The following ZNF521 variants were observed in gnomAD, a reference collection of about 807,000 sequenced individuals.
The protein encoded by ZNF521 is zinc finger protein 521.
A neutral mutation model predicts 105.5 loss-of-function variants in ZNF521; 14 were observed. That is an observed-to-expected ratio of 0.13 (90% CI 0.09 to 0.21). The LOEUF (loss-of-function observed/expected upper bound fraction) is 0.21, where lower values mean the gene tolerates loss of function less well. Among genes scored for constraint, ZNF521 ranks in the 10% least tolerant of loss-of-function variants. The pLI is 1.00. For synonymous variants in ZNF521, 635 were observed against 606.0 expected, an observed-to-expected ratio of 1.05 and a Z score of -0.70; for missense variants, 1,233 against 1,629.7, an observed-to-expected ratio of 0.76 and a Z score of 4.19.
chr18:25,230,418 A>G (rs1018845108), intron 3 of ZNF521, among the ~76,000 whole-genome samples: 2 of 152,178 alleles, frequency 1.3e-5, no homozygotes, highest in Admixed American at 6.5e-5. Context: ...TTCAGGTATC[A>G]GACTCCTCCA....
chr18:25,152,164 C>T (rs940804694), intron 5 of ZNF521, among the ~76,000 whole-genome samples: 7 of 152,138 alleles, frequency 4.6e-5, no homozygotes, highest in African/African-American at 1.2e-4. Flanking sequence ...TTATTTAGTA[C>T]ACTACAAAGG....
intron 3 of ZNF521, among the ~76,000 whole-genome samples, chr18:25,241,690 T>C (rs2144801211): frequency 6.6e-6 from 1 of 152,282 alleles, no homozygotes; most frequent in South Asian, 2.1e-4. Context: ...TTTATCTTTG[T>C]TATAATGAGG....
chr18:25,282,589 A>G (rs1381553533), intron 3 of ZNF521, among the ~76,000 whole-genome samples: 1 of 152,172 alleles, frequency 6.6e-6, no homozygotes, highest in East Asian at 1.9e-4. Context: ...AGGGAAATGA[A>G]AGGCAATGTG....
At chr18:25,222,736 T>C (rs1000281304) in intron 4 of ZNF521, among the ~76,000 whole-genome samples, 2 of 152,370 alleles carry the variant, frequency 1.3e-5, no homozygotes, top group South Asian at 2.1e-4. Context: ...CTTAAAAATA[T>C]GAGACATTTT....
intron 7 of ZNF521, among the ~76,000 whole-genome samples, chr18:25,067,248 G>A (rs1274041341): frequency 6.6e-6 from 1 of 152,118 alleles, no homozygotes; most frequent in African/African-American, 2.4e-5. Context: ...ATCCATCTAG[G>A]TATGATACCT....
chr18:25,269,221 T>C (rs1311531395), intron 3 of ZNF521, among the ~76,000 whole-genome samples: 1 of 151,282 alleles, frequency 6.6e-6, no homozygotes, highest in Non-Finnish European at 1.5e-5. Flanking sequence ...AAGGAATCAA[T>C]GCAACAAGAA....
intron 5 of ZNF521, among the ~76,000 whole-genome samples, chr18:25,148,653 G>A (rs1380216426): frequency 1.3e-5 from 2 of 152,062 alleles, no homozygotes; most frequent in Non-Finnish European, 2.9e-5. Flanking sequence ...AGGTCTACCT[G>A]CTGCAAAACT....
At chr18:25,170,027 T>G (rs1312233477) in intron 5 of ZNF521, among the ~76,000 whole-genome samples, 1 of 152,200 alleles carries the variant, frequency 6.6e-6, no homozygotes, top group Non-Finnish European at 1.5e-5. Context: ...AACATTATTC[T>G]GATTTCAAAT....
chr18:25,134,709 T>C (rs1199158888), intron 5 of ZNF521, among the ~76,000 whole-genome samples: 1 of 152,138 alleles, frequency 6.6e-6, no homozygotes, highest in Non-Finnish European at 1.5e-5. Flanking sequence ...AAAGGCTCCA[T>C]TAGATGTCTT....
intron 4 of ZNF521, among the ~76,000 whole-genome samples, chr18:25,219,956 G>A (rs1213957823): frequency 1.3e-5 from 2 of 152,244 alleles, no homozygotes; most frequent in Non-Finnish European, 2.9e-5. Flanking sequence ...AAGATAAAGA[G>A]TGTTCCCACC....
rs113631912 is a variant in ZNF521 at position 25,333,027 on chromosome 18, A to G, written c.41-10840T>C. 2.4e-3 allele frequency among the ~76,000 whole-genome samples: 358 copies of G among 152,084 alleles called. 3 individuals carry two copies. The highest frequency in any genetic ancestry group is 8.4e-3 in the African/African-American group (349 of 41,506). On this transcript the variant is annotated intron_variant, in intron 2 of 7. Transcript: ENST00000361524. ...GTGACCACATATTATATATTTGTAT[A>G]GTATTTATGTATATAATGTAGCATA...
At chr18:25,166,895 G>T (rs1352274985) in intron 5 of ZNF521, among the ~76,000 whole-genome samples, 1 of 152,144 alleles carries the variant, frequency 6.6e-6, no homozygotes, top group Non-Finnish European at 1.5e-5. Context: ...ATTTGTTGAA[G>T]ATATGGATTA....
At chr18:25,165,003 G>A (rs867755736) in intron 5 of ZNF521, among the ~76,000 whole-genome samples, 2 of 152,156 alleles carry the variant, frequency 1.3e-5, no homozygotes, top group Non-Finnish European at 2.9e-5. Context: ...TTTCGTGTTC[G>A]TGTGTGGCTA....
intron 3 of ZNF521, among the ~76,000 whole-genome samples, chr18:25,285,981 C>T (rs889803181): frequency 7.2e-5 from 11 of 152,330 alleles, no homozygotes; most frequent in African/African-American, 2.6e-4. Flanking sequence ...AACTTCTGCT[C>T]ATATCAGGGT....
At chr18:25,254,704 C>T (rs1908357234) in intron 3 of ZNF521, among the ~76,000 whole-genome samples, 2 of 152,004 alleles carry the variant, frequency 1.3e-5, no homozygotes, top group Non-Finnish European at 2.9e-5. Flanking sequence ...GGGAGTAGCC[C>T]ACTGTAAAAA....
At chr18:25,331,904 T>TC (rs1480727944) in intron 2 of ZNF521, among the ~76,000 whole-genome samples, 1 of 150,416 alleles carries the variant, frequency 6.6e-6, no homozygotes, top group African/African-American at 2.4e-5. Context: ...TTTTTTTTTT[T>TC]TTTTAAATTT....
intron 3 of ZNF521, among the ~76,000 whole-genome samples, chr18:25,296,754 C>T (rs1320794858): frequency 2.6e-5 from 4 of 152,128 alleles, no homozygotes; most frequent in Non-Finnish European, 5.9e-5. Flanking sequence ...ACTAAGTTCT[C>T]ATGTCTTGAC....
At chr18:25,166,982 T>G (rs2035353910) in intron 5 of ZNF521, among the ~76,000 whole-genome samples, 2 of 152,218 alleles carry the variant, frequency 1.3e-5, no homozygotes, top group South Asian at 2.1e-4. Context: ...ATAATAAACT[T>G]AAATTTGCTT....
At chr18:25,140,271 A>C (rs2034822426) in intron 5 of ZNF521, among the ~76,000 whole-genome samples, 1 of 152,206 alleles carries the variant, frequency 6.6e-6, no homozygotes, top group African/African-American at 2.4e-5. Context: ...ACAAAAAGGA[A>C]AGCAGCCAAC....
Sources: allele counts gnomAD v4.1 joint callset (sites outside exome capture counted in the v4.1 genomes callset), GRCh38; gene constraint gnomAD v4.1.1; transcripts MANE v1.5; gene names NCBI Gene and HGNC (gene_info 2026-07-23, HGNC 2026-07-21).